Variants in MECOM observed in about 807,000 individuals in gnomAD.
The protein encoded by MECOM is MDS1 and EVI1 complex locus.
In MECOM, 13 loss-of-function variants were observed where a neutral mutation model predicts 116.3. The observed-to-expected ratio is 0.11, with a 90% CI of 0.07 to 0.18. The LOEUF (loss-of-function observed/expected upper bound fraction) is 0.18, where lower values mean the gene tolerates loss of function less well. MECOM is among the 10% of genes least tolerant of loss of function. The pLI is 1.00. For missense variants in MECOM, 1,299 were observed against 1,509.0 expected, an observed-to-expected ratio of 0.86 and a Z score of 2.31; for synonymous variants, 528 against 535.2, an observed-to-expected ratio of 0.99 and a Z score of 0.19.
At chr3:169,484,167 C>T (rs910003908) in intron 1 of MECOM, 7 of 650,722 alleles carry the variant, frequency 1.1e-5, no homozygotes, top group Non-Finnish European at 1.6e-5. Flanking sequence ...TTTTGCTTTG[C>T]CCAATCCCAT....
chr3:169,585,306 T>C (rs1385604637), intron 1 of MECOM, among the ~76,000 whole-genome samples: 1 of 152,224 alleles, frequency 6.6e-6, no homozygotes, highest in African/African-American at 2.4e-5. Flanking sequence ...GGCAATTGAA[T>C]AGTGCTGAAT....
intron 2 of MECOM, among the ~76,000 whole-genome samples, chr3:169,148,911 G>T (rs1378932204): frequency 6.6e-6 from 1 of 152,002 alleles, no homozygotes; most frequent in Non-Finnish European, 1.5e-5. Flanking sequence ...TTGTTTGAGA[G>T]AAAATCGCAC....
At chr3:169,561,961 C>T (rs1265216049) in intron 1 of MECOM, among the ~76,000 whole-genome samples, 2 of 151,732 alleles carry the variant, frequency 1.3e-5, no homozygotes, top group South Asian at 2.1e-4. Context: ...GTCTGGCCAA[C>T]ATGGTGAAAT....
chr3:169,513,829 A>G (rs1756282696), intron 1 of MECOM, among the ~76,000 whole-genome samples: 2 of 152,304 alleles, frequency 1.3e-5, no homozygotes, highest in East Asian at 3.9e-4. Flanking sequence ...TCAATAATTG[A>G]GAGCTTTAAA....
At position 169,116,195 on chromosome 3, in the gene MECOM, G is replaced by T. The variant is rs1404068567; in HGVS notation, c.1677C>A (p.Leu559=). 1 of 1,614,140 alleles carries T rather than the reference G, an allele frequency of 6.2e-7. No individual in the cohort carries two copies. The highest frequency in any genetic ancestry group is 1.7e-5 in the Admixed American group (1 of 60,016). Residue 559 remains leucine (L), a synonymous_variant, in exon 8 of 17, where the codon CTC becomes CTA. Transcript: ENST00000651503. ...PSVGDNKPVE[L]QPERSSEERP... Reference sequence around the variant, plus strand: ...TCTCTTCAGAGGACCTCTCGGGCTGGAGCTCCACTGGCTTATTGTCCCCTA... The same window carrying T: ...TCTCTTCAGAGGACCTCTCGGGCTGTAGCTCCACTGGCTTATTGTCCCCTA...
At chr3:169,344,389 G>A (rs891771601) in intron 2 of MECOM, among the ~76,000 whole-genome samples, 1 of 152,152 alleles carries the variant, frequency 6.6e-6, no homozygotes, top group African/African-American at 2.4e-5. Context: ...CAACTACAGT[G>A]TGTTTCTCAC....
chr3:169,103,562 A>T (rs1724312933), intron 10 of MECOM, among the ~76,000 whole-genome samples: 1 of 152,210 alleles, frequency 6.6e-6, no homozygotes, highest in Admixed American at 6.5e-5. Flanking sequence ...CAGAAGACAC[A>T]TAAGAACTGA....
At chr3:169,341,194 T>C (rs1018418446) in intron 2 of MECOM, among the ~76,000 whole-genome samples, 1 of 152,088 alleles carries the variant, frequency 6.6e-6, no homozygotes, top group Non-Finnish European at 1.5e-5. Flanking sequence ...TAAGTCATTC[T>C]TTTTCTTTGA....
chr3:169,109,047 A>G (rs1195164656), intron 9 of MECOM, among the ~76,000 whole-genome samples: 3 of 152,202 alleles, frequency 2.0e-5, no homozygotes, highest in Admixed American at 1.3e-4. Context: ...GTAATTGCAA[A>G]ATGACTTCCA....
At chr3:169,249,157 T>C (rs1373404947) in intron 2 of MECOM, among the ~76,000 whole-genome samples, 3 of 152,210 alleles carry the variant, frequency 2.0e-5, no homozygotes, top group Non-Finnish European at 2.9e-5. Context: ...GCACCTATCA[T>C]GTGCTTTGCG....
chr3:169,474,284 A>G (rs1281841491), intron 1 of MECOM, among the ~76,000 whole-genome samples: 1 of 152,220 alleles, frequency 6.6e-6, no homozygotes, highest in African/African-American at 2.4e-5. Flanking sequence ...TGTAAACGTC[A>G]GTTCCTGAAG....
chr3:169,094,961 A>G (rs1306371410), intron 13 of MECOM, 115 bp downstream of exon 13: 2 of 901,862 alleles, frequency 2.2e-6, no homozygotes, highest in South Asian at 6.6e-5. Context: ...TTTTTACAAT[A>G]AGACCTGATT....
intron 2 of MECOM, among the ~76,000 whole-genome samples, chr3:169,344,504 G>C (rs1165122868): frequency 6.6e-6 from 1 of 152,140 alleles, no homozygotes; most frequent in East Asian, 1.9e-4. Flanking sequence ...AAAGCCCTGA[G>C]TGTCAAGAAG....
At chr3:169,337,742 C>A (rs909209074) in intron 2 of MECOM, among the ~76,000 whole-genome samples, 1 of 152,112 alleles carries the variant, frequency 6.6e-6, no homozygotes, top group East Asian at 1.9e-4. Context: ...TATAAAAGGG[C>A]ATTGTTAAAA....
At chr3:169,558,320 C>G (rs987671039) in intron 1 of MECOM, among the ~76,000 whole-genome samples, 1 of 152,114 alleles carries the variant, frequency 6.6e-6, no homozygotes, top group African/African-American at 2.4e-5. Flanking sequence ...GCTTTCAAAA[C>G]GTATTTAGTC....
intron 1 of MECOM, among the ~76,000 whole-genome samples, chr3:169,477,819 C>T (rs1045808087): frequency 5.3e-5 from 8 of 152,120 alleles, no homozygotes; most frequent in Non-Finnish European, 1.2e-4. Context: ...TGATACACGG[C>T]TTCAATAAGA....
At chr3:169,155,300 C>T (rs1741785931) in intron 2 of MECOM, among the ~76,000 whole-genome samples, 1 of 152,160 alleles carries the variant, frequency 6.6e-6, no homozygotes, top group African/African-American at 2.4e-5. Flanking sequence ...CCATACTTGC[C>T]TTACCCCATG....
intron 2 of MECOM, among the ~76,000 whole-genome samples, chr3:169,218,651 CA>C (rs892846879): frequency 1.3e-5 from 2 of 152,098 alleles, no homozygotes; most frequent in Non-Finnish European, 2.9e-5. Flanking sequence ...ATACTGTATC[CA>C]ATTAGGAAAG....
rs1275888069 is a variant in MECOM, at chr3:169,473,677, G to A, written c.38-92153C>T. Among the ~76,000 whole-genome samples the A allele has an allele frequency of 2.0e-5, 3 of 152,106 alleles. No homozygotes were observed. The East Asian group carries it at 5.8e-4, about 29-fold the overall frequency. ...CCAGCTACTCAGGAGGCTGAGGTAG[G>A]AGAATCACTTGAATCTGGGGGGCAG... On this transcript the variant is annotated intron_variant, in intron 1 of 16. Coordinates refer to ENST00000651503, the MANE Select transcript of MECOM (RefSeq NM_004991.4).
Sources: gnomAD v4.1 joint callset for allele counts (sites outside exome capture counted in the v4.1 genomes callset) on GRCh38, gnomAD v4.1.1 for gene constraint, MANE v1.5 for transcripts, NCBI Gene and HGNC (gene_info 2026-07-23, HGNC 2026-07-21) for gene names.